Variants in RASGRF2 observed in about 807,000 individuals in gnomAD.
RASGRF2 encodes ras-specific guanine nucleotide-releasing factor 2.
RASGRF2 carries 76 observed loss-of-function variants against 151.0 expected under a neutral mutation model. That is an observed-to-expected ratio of 0.50 (90% confidence interval 0.42 to 0.61). The LOEUF (loss-of-function observed/expected upper bound fraction) is 0.61, where lower values mean the gene tolerates loss of function less well. Among genes scored for constraint, RASGRF2 ranks in the 20% least tolerant of loss-of-function variants. RASGRF2 has a pLI of 0.00. For synonymous variants in RASGRF2, 504 were observed against 566.5 expected (o/e 0.89, Z 1.57); for missense variants, 1,148 against 1,564.6 (o/e 0.73, Z 4.49).
intron 18 of RASGRF2, among the ~76,000 whole-genome samples, chr5:81,183,517 G>A (rs185012621): frequency 7.7e-4 from 118 of 152,266 alleles, no homozygotes; most frequent in African/African-American, 1.9e-3. Context: ...AATATTTGGG[G>A]AGGCTAGGAT....
intron 1 of RASGRF2, among the ~76,000 whole-genome samples, chr5:80,969,460 TTTTTTTGA>T (rs1467050093): frequency 2.7e-5 from 4 of 146,768 alleles, no homozygotes; most frequent in African/African-American, 5.1e-5. Context: ...TTTTCTTTTT[TTTTTTTGA>T]GACAGAGTCT....
At chr5:81,043,104 T>C in intron 2 of RASGRF2, 121 bp downstream of exon 2, 1 of 655,910 alleles carries the variant, frequency 1.5e-6, no homozygotes, top group East Asian at 2.8e-5. Context: ...CTGGTACCTA[T>C]TCCTTAGTCA....
chr5:81,168,919 C>G (rs946224672), intron 17 of RASGRF2, among the ~76,000 whole-genome samples: 11 of 152,160 alleles, frequency 7.2e-5, no homozygotes, highest in African/African-American at 2.7e-4. Flanking sequence ...GACTAATGTG[C>G]CTGGGTTTCC....
chr5:81,132,207 C>G (rs1561223649), intron 17 of RASGRF2, among the ~76,000 whole-genome samples: 1 of 152,082 alleles, frequency 6.6e-6, no homozygotes, highest in Non-Finnish European at 1.5e-5. Flanking sequence ...TCCCCAATAT[C>G]TAGAATAGTA....
chr5:81,192,336 T>C (rs1755169267), intron 18 of RASGRF2, among the ~76,000 whole-genome samples: 1 of 152,256 alleles, frequency 6.6e-6, no homozygotes. Context: ...TTAGAAGTAC[T>C]GTCGTATTGC....
intron 17 of RASGRF2, among the ~76,000 whole-genome samples, chr5:81,157,419 T>C (rs1324743860): frequency 1.3e-5 from 2 of 151,132 alleles, no homozygotes; most frequent in African/African-American, 2.4e-5. Flanking sequence ...TAAAGTCCTA[T>C]AAAGTACCAA....
intron 1 of RASGRF2, among the ~76,000 whole-genome samples, chr5:81,014,111 T>C (rs1390932559): frequency 6.6e-6 from 1 of 152,206 alleles, no homozygotes; most frequent in Non-Finnish European, 1.5e-5. Flanking sequence ...ATTTTCAACT[T>C]TGTTCATGGT....
Position 81,217,392 on chromosome 5 carries a change from C to T in RASGRF2, c.3471C>T (p.Tyr1157=), listed in dbSNP as rs2112744110. The T allele has an allele frequency of 1.2e-6, 2 of 1,613,384 alleles. No homozygotes were observed. Among genetic ancestry groups the T allele is most frequent in the African/African-American group, 1.3e-5 (1 of 74,932 alleles). The change falls in exon 25 of 27, where the codon TAC becomes TAT. Residue 1157 remains tyrosine, a synonymous_variant. Coordinates refer to ENST00000265080, the MANE Select transcript of RASGRF2 (RefSeq NM_006909.3). ...CTGCAGTTCCTTATCTTGGGATGTACTTGACAGACCTGGCATTTATTGAAG... is the reference window on the plus strand; with the variant it reads ...CTGCAGTTCCTTATCTTGGGATGTATTTGACAGACCTGGCATTTATTGAAG... ...NPPAVPYLGM[Y]LTDLAFIEEG... is the part of the protein sequence containing the mutation.
At chr5:81,030,117 G>C (rs1027261879) in intron 1 of RASGRF2, among the ~76,000 whole-genome samples, 1 of 152,176 alleles carries the variant, frequency 6.6e-6, no homozygotes, top group Non-Finnish European at 1.5e-5. Context: ...AGAGTAAAAA[G>C]AAACAAACAA....
intron 17 of RASGRF2, among the ~76,000 whole-genome samples, chr5:81,137,910 G>C (rs1328926966): frequency 6.6e-6 from 1 of 152,210 alleles, no homozygotes; most frequent in Non-Finnish European, 1.5e-5. Flanking sequence ...ACCCAGACAG[G>C]TTATATCAGA....
chr5:81,106,491 G>A (rs930291023), intron 12 of RASGRF2, among the ~76,000 whole-genome samples: 22 of 152,090 alleles, frequency 1.4e-4, no homozygotes, highest in African/African-American at 5.3e-4. Context: ...CTGCCTATAG[G>A]ATAAAATTAA....
intron 1 of RASGRF2, among the ~76,000 whole-genome samples, chr5:80,976,474 G>A (rs139942455): frequency 1.8e-4 from 27 of 152,312 alleles, no homozygotes; most frequent in African/African-American, 5.8e-4. Context: ...TAACTAGGAA[G>A]GAAATGTTTT....
chr5:81,035,939 T>A (rs751231046), intron 1 of RASGRF2, among the ~76,000 whole-genome samples: 4 of 152,006 alleles, frequency 2.6e-5, no homozygotes, highest in Non-Finnish European at 5.9e-5. Flanking sequence ...AAATAACAGA[T>A]GTAAAAAGGA....
chr5:81,154,647 G>A (rs1244080886), intron 17 of RASGRF2, among the ~76,000 whole-genome samples: 1 of 152,124 alleles, frequency 6.6e-6, no homozygotes, highest in Non-Finnish European at 1.5e-5. Context: ...TATGTTTCGA[G>A]AACACAGTTA....
intron 2 of RASGRF2, among the ~76,000 whole-genome samples, chr5:81,049,378 C>T (rs486683): frequency 0.37 from 56,484 of 151,842 alleles, 10,803 homozygotes; most frequent in Middle Eastern, 0.62. Flanking sequence ...TCATATTATT[C>T]GCCATCTTTT....
rs538409255 is a variant in RASGRF2 at position 81,214,068 on chromosome 5, C to G, written c.3354+1505C>G. On this transcript the variant is annotated intron_variant, in intron 23 of 26. Coordinates refer to ENST00000265080, the MANE Select transcript of RASGRF2 (RefSeq NM_006909.3). ...GATTTCACCAGCTTTCTAGGGATCA[C>G]CAGCTATCACCAAGGGATCCCTAAA... is the stretch of plus-strand genomic sequence containing the variant. 5.9e-5 allele frequency among the ~76,000 whole-genome samples: 9 copies of G among 152,282 alleles called. 1 individual carries two copies. The South Asian group carries it at 1.9e-3, about 32-fold the overall frequency.
At chr5:81,000,443 A>G (rs1018163583) in intron 1 of RASGRF2, among the ~76,000 whole-genome samples, 9 of 152,130 alleles carry the variant, frequency 5.9e-5, no homozygotes, top group Non-Finnish European at 1.3e-4. Flanking sequence ...GGGTTTCACC[A>G]TGTTGGCCAG....
intron 1 of RASGRF2, among the ~76,000 whole-genome samples, chr5:81,007,847 C>T (rs562473076): frequency 6.1e-4 from 93 of 152,002 alleles, no homozygotes; most frequent in African/African-American, 1.5e-3. Flanking sequence ...CAAGCAGATC[C>T]GATGCAGCTT....
chr5:81,163,979 TA>T (rs1754447383), intron 17 of RASGRF2, among the ~76,000 whole-genome samples: 1 of 152,218 alleles, frequency 6.6e-6, no homozygotes, highest in Non-Finnish European at 1.5e-5. Flanking sequence ...CGGCATATAA[TA>T]AACACTACAT....
Sources: gnomAD v4.1 joint callset for allele counts (sites outside exome capture counted in the v4.1 genomes callset) on GRCh38, gnomAD v4.1.1 for gene constraint, MANE v1.5 for transcripts, NCBI Gene and HGNC (gene_info 2026-07-23, HGNC 2026-07-21) for gene names.